Variants in DHX57 observed in about 807,000 individuals in gnomAD.
DHX57 encodes the protein DExH-box helicase 57, also known as putative ATP-dependent RNA helicase DHX57.
In DHX57, 105 loss-of-function variants were observed where a neutral mutation model predicts 156.2. The observed-to-expected ratio is 0.67, with a 90% CI of 0.57 to 0.79. The LOEUF is 0.79. Among genes scored for constraint, DHX57 ranks in the 30% least tolerant of loss-of-function variants. DHX57 has a pLI of 0.00. For synonymous variants in DHX57, 704 were observed against 595.6 expected (o/e 1.18, Z -2.65); for missense variants, 1,847 against 1,661.9 (o/e 1.11, Z -1.94).
chr2:38,820,525 G>A (rs989534392), intron 17 of DHX57, among the ~76,000 whole-genome samples: 9 of 152,106 alleles, frequency 5.9e-5, no homozygotes, highest in South Asian at 4.1e-4. Flanking sequence ...TAGAAGTCCT[G>A]TTCACAAGGT....
intron 13 of DHX57, among the ~76,000 whole-genome samples, chr2:38,829,463 G>A (rs1231590111): frequency 6.6e-6 from 1 of 151,406 alleles, no homozygotes; most frequent in Non-Finnish European, 1.5e-5. Flanking sequence ...AGTAGAGACA[G>A]GTTTCACCAT....
chr2:38,863,347 A>G lies in DHX57; in HGVS notation c.383+14T>C. On this transcript the variant is annotated intron_variant, in intron 3 of 23. Transcript: ENST00000457308. ...TTCCTTAATATAATAATTGACTCAA[A>G]TAAAACAATTTACTCAGATCCAGCA... 2 of 1,601,980 alleles carry G rather than the reference A, an allele frequency of 1.2e-6. No individual in the cohort carries two copies. The highest frequency in any genetic ancestry group is 1.7e-6 in the Non-Finnish European group (2 of 1,176,740).
intron 13 of DHX57, among the ~76,000 whole-genome samples, chr2:38,837,114 G>T (rs1236289452): frequency 6.6e-6 from 1 of 152,098 alleles, no homozygotes; most frequent in Non-Finnish European, 1.5e-5. Context: ...CTCTCAAAGT[G>T]CTGGGATTAC....
chr2:38,822,942 G>C (rs749247988), intron 17 of DHX57, 51 bp downstream of exon 17: 14 of 1,576,344 alleles, frequency 8.9e-6, no homozygotes, highest in East Asian at 2.3e-5. Flanking sequence ...TCCCCTTAGA[G>C]ACCTATGGTC....
intron 7 of DHX57, among the ~76,000 whole-genome samples, chr2:38,855,487 G>T (rs925015307): frequency 1.3e-5 from 2 of 152,166 alleles, no homozygotes; most frequent in African/African-American, 4.8e-5. Context: ...GTAAAATTGG[G>T]ACTATTGAAC....
intron 21 of DHX57, chr2:38,811,765 C>CT: frequency 2.1e-6 from 1 of 478,136 alleles, no homozygotes; most frequent in Non-Finnish European, 3.9e-6. Flanking sequence ...GGGCCCACGT[C>CT]TTTCTTATTG....
At chr2:38,832,632 A>G (rs1223117272) in intron 13 of DHX57, among the ~76,000 whole-genome samples, 2 of 150,630 alleles carry the variant, frequency 1.3e-5, no homozygotes, top group African/African-American at 2.4e-5. Context: ...TGCAATCTCC[A>G]CATCCTGGGT....
chr2:38,825,783 G>C lies in DHX57; in HGVS notation c.3014+64C>G. On this transcript the variant is annotated intron_variant, in intron 16 of 23. Transcript: ENST00000457308. ...CTTCTAGAAGTAAAAGGAAAACATGGAACTTAATAGAGTGAGAAACATTTA... is the reference window on the plus strand; with the variant it reads ...CTTCTAGAAGTAAAAGGAAAACATGCAACTTAATAGAGTGAGAAACATTTA... 6 of 1,526,064 alleles carry C rather than the reference G, an allele frequency of 3.9e-6. 1 individual carries two copies. The South Asian group carries it at 6.8e-5, about 17-fold the overall frequency. 94.5% of individuals were successfully genotyped at this position (1,526,064 alleles called of 1,614,324 possible). A position where few individuals can be genotyped will look rare whatever the true frequency, so the allele number is the denominator to read the frequency against.
intron 13 of DHX57, among the ~76,000 whole-genome samples, chr2:38,832,455 C>T (rs772184459): frequency 5.9e-5 from 9 of 151,810 alleles, no homozygotes; most frequent in Non-Finnish European, 1.2e-4. Flanking sequence ...GAAAAGAAAA[C>T]CACATAATGA....
At chr2:38,837,362 G>C (rs1671731793) in intron 13 of DHX57, among the ~76,000 whole-genome samples, 1 of 151,954 alleles carries the variant, frequency 6.6e-6, no homozygotes, top group South Asian at 2.1e-4. Context: ...AATAATCCCA[G>C]CACTTTGGGA....
intron 16 of DHX57, 107 bp downstream of exon 16, chr2:38,825,740 T>A (rs1671055453): frequency 9.0e-7 from 1 of 1,115,252 alleles, no homozygotes; most frequent in Non-Finnish European, 1.3e-6. Flanking sequence ...TTATTGGTGG[T>A]CATTCTTAGC....
intron 13 of DHX57, among the ~76,000 whole-genome samples, chr2:38,833,043 C>T (rs1257413555): frequency 6.1e-5 from 9 of 147,072 alleles, no homozygotes; most frequent in African/African-American, 2.0e-4. Context: ...TGGTGAGCCA[C>T]TGTGCCTGGC....
Position 38,855,270 on chromosome 2 carries a change from T to C in DHX57, c.1710-18A>G, listed in dbSNP as rs768389049. On this transcript the variant is annotated intron_variant, in intron 7 of 23. Transcript: ENST00000457308. The stretch of plus-strand genomic sequence containing the variant: ...TCCCACATCTGTACATTAAAACAAA[T>C]AAGTCCTAAAATGAAGTTTTCAAGG... The C allele has an allele frequency of 6.2e-7, 1 of 1,613,666 alleles. No homozygotes were observed. Among genetic ancestry groups the C allele is most frequent in the South Asian group, 1.1e-5 (1 of 91,070 alleles).
In DHX57 at chr2:38,871,595, A is replaced by G. The variant is rs75408509; in HGVS notation, c.-6-3184T>C. ...ATGGTAATGGAGGCTGGGAAGTCCAAGAGCATGATGCTGGCATCTGCGTAG... is the reference window on the plus strand; with the variant it reads ...ATGGTAATGGAGGCTGGGAAGTCCAGGAGCATGATGCTGGCATCTGCGTAG... On this transcript the variant is annotated intron_variant, in intron 1 of 23. Coordinates refer to ENST00000457308, the MANE Select transcript of DHX57 (RefSeq NM_198963.3). 1.7e-4 allele frequency among the ~76,000 whole-genome samples: 26 copies of G among 152,312 alleles called. No homozygotes were observed. In the East Asian group the frequency reaches 5.0e-3, roughly 29 times the overall value.
chr2:38,836,059 C>T (rs994717327), intron 13 of DHX57, among the ~76,000 whole-genome samples: 2 of 152,210 alleles, frequency 1.3e-5, no homozygotes, highest in African/African-American at 4.8e-5. Flanking sequence ...CCAGCAAACA[C>T]ATTGACATTA....
Position 38,854,085 on chromosome 2 carries a change from C to T in DHX57, c.1999G>A (p.Val667Ile). 6.2e-7 allele frequency: 1 copy of T among 1,613,632 alleles called. No individual in the cohort carries two copies. The highest frequency in any genetic ancestry group is 1.1e-5 in the South Asian group (1 of 90,980). Residue 667 changes from valine to isoleucine, a missense_variant, in exon 9 of 24, where the codon GTT becomes ATT. Transcript: ENST00000457308. ...TALQGVSHII[V>I]DEVHERTEES... ...TCTGTCCTCTCATGAACTTCATCAA[C>T]AATGATATGGGAAACTCCTTGTAGA...
intron 7 of DHX57, among the ~76,000 whole-genome samples, chr2:38,855,703 G>A (rs1672862714): frequency 1.3e-5 from 2 of 152,110 alleles, no homozygotes; most frequent in South Asian, 2.1e-4. Flanking sequence ...TTATTAAATT[G>A]TATACTCTTG....
chr2:38,853,962 G>T, intron 9 of DHX57, 92 bp downstream of exon 9: 3 of 1,267,712 alleles, frequency 2.4e-6, no homozygotes, highest in Non-Finnish European at 3.2e-6. Context: ...ATTACTAGCT[G>T]CATGAAACTG....
chr2:38,859,036 CACAA>C (rs142299880), intron 5 of DHX57, among the ~76,000 whole-genome samples, 200 bp from the exon 6 acceptor site: 1,753 of 152,234 alleles, frequency 0.012, 25 homozygotes, highest in East Asian at 0.059. Flanking sequence ...TTTTATCAAG[CACAA>C]ACAAAGTAAT....
Sources: gnomAD v4.1 joint callset for allele counts (sites outside exome capture counted in the v4.1 genomes callset) on GRCh38, gnomAD v4.1.1 for gene constraint, MANE v1.5 for transcripts, NCBI Gene and HGNC (gene_info 2026-07-23, HGNC 2026-07-21) for gene names.